The following MAN2A1 variants were observed in gnomAD, a reference collection of about 807,000 sequenced individuals.
The protein encoded by MAN2A1 is mannosidase alpha class 2A member 1.
A neutral mutation model predicts 142.6 loss-of-function variants in MAN2A1; 76 were observed. That is an observed-to-expected ratio of 0.53 (90% CI 0.44 to 0.65). MAN2A1 has a LOEUF of 0.65. MAN2A1 is among the 30% of genes least tolerant of loss of function. The pLI is 0.00. For synonymous variants in MAN2A1, 559 were observed against 473.2 expected, an observed-to-expected ratio of 1.18 and a Z score of -2.35; for missense variants, 1,311 against 1,365.1, an observed-to-expected ratio of 0.96 and a Z score of 0.62.
At position 109,738,853 on chromosome 5, in the gene MAN2A1, G is replaced by T. The variant is rs1239327961; in HGVS notation, c.707+9340G>T. Among the ~76,000 whole-genome samples the T allele has an allele frequency of 3.3e-5, 5 of 150,132 alleles. No homozygotes were observed. The East Asian group carries it at 7.8e-4, about 23-fold the overall frequency. ...ATGGGAGACTTTTCTTTTAGTTTTT[G>T]TTTTTTTTTGAAACAGGGTCCCACT... On this transcript the variant is annotated intron_variant, in intron 4 of 21. Coordinates refer to ENST00000261483, the MANE Select transcript of MAN2A1 (RefSeq NM_002372.4).
intron 12 of MAN2A1, among the ~76,000 whole-genome samples, chr5:109,801,022 T>C (rs1754014363): frequency 6.6e-6 from 1 of 152,242 alleles, no homozygotes; most frequent in South Asian, 2.1e-4. Context: ...CTTTCCTTTG[T>C]TACCCAATAT....
intron 16 of MAN2A1, among the ~76,000 whole-genome samples, chr5:109,829,295 T>C (rs986162986): frequency 3.9e-5 from 6 of 152,232 alleles, no homozygotes; most frequent in African/African-American, 1.2e-4. Context: ...CTAATGATTT[T>C]CCATTCAAAC....
In MAN2A1 at chr5:109,867,157, GAAAAAAAA is replaced by G. The variant is rs11351742; in HGVS notation, c.*173_*180del. On this transcript the variant is annotated 3_prime_UTR_variant, in exon 22 of 22. Transcript: ENST00000261483. ...CTTTTTTCTTTTACCAGTACAGTAA[GAAAAAAAA>G]AAAAAAAAAAAAAGCCATGCTATCA... 1 of 89,962 alleles carries G rather than the reference GAAAAAAAA, an allele frequency of 1.1e-5. No individual in the cohort carries two copies. The highest frequency in any genetic ancestry group is 3.6e-4 in the East Asian group (1 of 2,788). 5.6% of individuals were successfully genotyped at this position (89,962 alleles called of 1,614,324 possible). A position where few individuals can be genotyped will look rare whatever the true frequency, so the allele number is the denominator to read the frequency against.
Position 109,697,644 on chromosome 5 carries a change from A to G in MAN2A1, c.135+7092A>G, listed in dbSNP as rs554717171. 1.4e-4 allele frequency among the ~76,000 whole-genome samples: 21 copies of G among 152,340 alleles called. No homozygotes were observed. In the South Asian group the frequency reaches 4.1e-3, roughly 30 times the overall value. On this transcript the variant is annotated intron_variant, in intron 1 of 21. Transcript: ENST00000261483. ...AATTGTCTCTGACCACTTTCACACA[A>G]CAGTGGCATAGTTTAGTAGTTAAGA...
chr5:109,728,961 A>G (rs199887475), intron 3 of MAN2A1, among the ~76,000 whole-genome samples: 1 of 152,180 alleles, frequency 6.6e-6, no homozygotes, highest in East Asian at 1.9e-4. Context: ...CTATTAGGAT[A>G]ACAGTACTGC....
intron 5 of MAN2A1, among the ~76,000 whole-genome samples, chr5:109,764,125 A>C (rs1248677806): frequency 6.6e-6 from 1 of 152,010 alleles, no homozygotes; most frequent in East Asian, 1.9e-4. Context: ...TGAGCTTTTA[A>C]AGTTGTCTTT....
intron 4 of MAN2A1, among the ~76,000 whole-genome samples, chr5:109,748,119 T>C (rs1194031482): frequency 6.6e-6 from 1 of 152,202 alleles, no homozygotes. Context: ...TATAATGCTC[T>C]TATTTTAAAA....
At chr5:109,866,356 C>G (rs1394621029) in intron 21 of MAN2A1, among the ~76,000 whole-genome samples, 1 of 152,076 alleles carries the variant, frequency 6.6e-6, no homozygotes, top group Non-Finnish European at 1.5e-5. Flanking sequence ...ATAATGATCC[C>G]TCCTTGTAGT....
At chr5:109,706,429 T>G (rs1237036963) in intron 1 of MAN2A1, among the ~76,000 whole-genome samples, 2 of 152,222 alleles carry the variant, frequency 1.3e-5, no homozygotes, top group Non-Finnish European at 2.9e-5. Context: ...CTGTGCTAAA[T>G]TCTTTCACAG....
chr5:109,790,764 G>A (rs1168280013), intron 12 of MAN2A1, among the ~76,000 whole-genome samples: 1 of 151,820 alleles, frequency 6.6e-6, no homozygotes, highest in Non-Finnish European at 1.5e-5. Context: ...TTATATTTTG[G>A]TGGAGGAAGA....
chr5:109,750,535 A>T (rs145733196), intron 4 of MAN2A1, among the ~76,000 whole-genome samples: 2 of 152,082 alleles, frequency 1.3e-5, no homozygotes, highest in East Asian at 1.9e-4. Flanking sequence ...CTTCCATGGG[A>T]TGTTTTGTTC....
At chr5:109,770,255 C>A in intron 6 of MAN2A1, 100 bp from the exon 7 acceptor site, 1 of 1,110,370 alleles carries the variant, frequency 9.0e-7, no homozygotes, top group African/African-American at 1.6e-5. Context: ...TAGCACAGAG[C>A]TAAATCAGCA....
At chr5:109,775,166 C>T (rs1444985592) in intron 8 of MAN2A1, among the ~76,000 whole-genome samples, 1 of 152,186 alleles carries the variant, frequency 6.6e-6, no homozygotes, top group Non-Finnish European at 1.5e-5. Flanking sequence ...GTTCCTAACA[C>T]TCCTTGAGGA....
intron 4 of MAN2A1, among the ~76,000 whole-genome samples, chr5:109,749,223 A>G (rs1457146316): frequency 6.6e-6 from 1 of 152,096 alleles, no homozygotes. Context: ...AAGCTCTTTG[A>G]GTGTGTCCTT....
At chr5:109,737,798 A>G (rs1752148227) in intron 4 of MAN2A1, among the ~76,000 whole-genome samples, 1 of 152,186 alleles carries the variant, frequency 6.6e-6, no homozygotes, top group Admixed American at 6.5e-5. Context: ...GCATAAATAT[A>G]TATGTCAGTT....
At chr5:109,859,355 T>C (rs1034674888) in intron 20 of MAN2A1, among the ~76,000 whole-genome samples, 12 of 152,246 alleles carry the variant, frequency 7.9e-5, no homozygotes, top group African/African-American at 2.7e-4. Context: ...CATATCTTGC[T>C]TTTCTGCTTT....
chr5:109,725,256 C>T (rs1751711508), intron 3 of MAN2A1, among the ~76,000 whole-genome samples: 3 of 152,196 alleles, frequency 2.0e-5, no homozygotes. Context: ...GTTTAGATTG[C>T]TGTTGCTCTA....
At chr5:109,769,525 A>G (rs573132401) in intron 6 of MAN2A1, among the ~76,000 whole-genome samples, 120 of 152,314 alleles carry the variant, frequency 7.9e-4, no homozygotes, top group Middle Eastern at 3.4e-3. Context: ...GCTCAGGATC[A>G]TATTCGCAAA....
At chr5:109,729,602 C>T (rs1751843731) in intron 4 of MAN2A1, 89 bp downstream of exon 4, 1 of 691,066 alleles carries the variant, frequency 1.4e-6, no homozygotes, top group African/African-American at 1.9e-5. Flanking sequence ...GGTGAAAATT[C>T]TTAGCTTTAT....
Sources: allele counts gnomAD v4.1 joint callset (sites outside exome capture counted in the v4.1 genomes callset), GRCh38; gene constraint gnomAD v4.1.1; transcripts MANE v1.5; gene names NCBI Gene and HGNC (gene_info 2026-07-23, HGNC 2026-07-21).